The following PARD3B variants were observed in gnomAD, a reference collection of about 807,000 sequenced individuals.
The protein encoded by PARD3B is par-3 family cell polarity regulator beta.
In PARD3B, 103 loss-of-function variants were observed where a neutral mutation model predicts 130.2. That is an observed-to-expected ratio of 0.79 (90% CI 0.67 to 0.93). The LOEUF (loss-of-function observed/expected upper bound fraction) is 0.93, where lower values mean the gene tolerates loss of function less well. Among genes scored for constraint, PARD3B ranks in the 40% least tolerant of loss-of-function variants. The pLI is 0.00. For missense variants in PARD3B, 1,609 were observed against 1,499.2 expected, an observed-to-expected ratio of 1.07 and a Z score of -1.21; for synonymous variants, 583 against 553.2, an observed-to-expected ratio of 1.05 and a Z score of -0.76.
intron 10 of PARD3B, among the ~76,000 whole-genome samples, chr2:205,136,782 C>T (rs1038834897): frequency 6.6e-6 from 1 of 152,210 alleles, no homozygotes; most frequent in African/African-American, 2.4e-5. Context: ...GAAATGTTCT[C>T]TTCTATGATA....
intron 3 of PARD3B, among the ~76,000 whole-genome samples, chr2:204,983,893 G>A (rs186925853): frequency 5.9e-5 from 9 of 152,046 alleles, no homozygotes; most frequent in Admixed American, 2.0e-4. Flanking sequence ...TTGGGTCTTC[G>A]TTTCCTTATG....
intron 1 of PARD3B, among the ~76,000 whole-genome samples, chr2:204,655,868 T>G (rs1035650670): frequency 1.3e-5 from 2 of 152,138 alleles, no homozygotes; most frequent in Non-Finnish European, 2.9e-5. Context: ...TTGTCCACGG[T>G]TAGCCACAGG....
chr2:204,967,736 G>T lies in PARD3B; in HGVS notation c.394+2413G>T, dbSNP rs1207560020. ...GAAGGAAGCAACACAGCCAGCTTTG[G>T]TCTCCACCCATTCTGTTTTCCTGTT... is the stretch of plus-strand genomic sequence containing the variant. On this transcript the variant is annotated intron_variant, in intron 3 of 22. Transcript: ENST00000406610. The surrounding 1 kb of genome is among the most constrained non-coding windows in gnomAD (Gnocchi z 4.4). Among the ~76,000 whole-genome samples the T allele has an allele frequency of 1.3e-5, 2 of 152,196 alleles. No individual in the cohort carries two copies. Among genetic ancestry groups the T allele is most frequent in the South Asian group, 2.1e-4 (1 of 4,832 alleles).
chr2:205,201,748 A>T (rs2037002043), intron 15 of PARD3B, among the ~76,000 whole-genome samples: 1 of 152,200 alleles, frequency 6.6e-6, no homozygotes, highest in South Asian at 2.1e-4. Flanking sequence ...GAGGCAGGAG[A>T]ATCGCTTGAA....
intron 3 of PARD3B, among the ~76,000 whole-genome samples, chr2:205,008,733 T>C (rs1340845570): frequency 1.3e-5 from 2 of 152,200 alleles, no homozygotes; most frequent in African/African-American, 4.8e-5. Flanking sequence ...GGATAGATGT[T>C]AGGAGAAGTT....
intron 21 of PARD3B, among the ~76,000 whole-genome samples, chr2:205,535,245 T>G (rs1363623435): frequency 6.6e-6 from 1 of 152,152 alleles, no homozygotes; most frequent in Non-Finnish European, 1.5e-5. Flanking sequence ...GCCCGGTCTT[T>G]CCTTTAACAC....
chr2:204,922,708 A>G (rs565241943), intron 2 of PARD3B, among the ~76,000 whole-genome samples: 4 of 152,092 alleles, frequency 2.6e-5, no homozygotes, highest in African/African-American at 9.6e-5. Flanking sequence ...TTAAAATAGG[A>G]CATACCTTCT....
intron 3 of PARD3B, among the ~76,000 whole-genome samples, chr2:205,042,375 T>G (rs775186903): frequency 1.3e-5 from 2 of 152,148 alleles, no homozygotes; most frequent in Non-Finnish European, 2.9e-5. Flanking sequence ...ACCTGACAAA[T>G]CTTGCCATCT....
chr2:205,435,329 A>C (rs1283423439), intron 19 of PARD3B, among the ~76,000 whole-genome samples: 4 of 152,056 alleles, frequency 2.6e-5, no homozygotes, highest in African/African-American at 7.2e-5. Flanking sequence ...ATACTTTTCT[A>C]TATTCCCCTG....
Position 204,843,091 on chromosome 2 carries a change from A to G in PARD3B, c.223-122061A>G, listed in dbSNP as rs376214722. 2.6e-4 allele frequency among the ~76,000 whole-genome samples: 39 copies of G among 152,078 alleles called. 1 individual carries two copies. Among genetic ancestry groups the G allele is most frequent in the African/African-American group, 9.2e-4 (38 of 41,456 alleles). On this transcript the variant is annotated intron_variant, in intron 2 of 22. Coordinates refer to ENST00000406610, the MANE Select transcript of PARD3B (RefSeq NM_001302769.2). Reference sequence around the variant, plus strand: ...TCTGAGCTGAGCCCCGAGGATCTGTATTTCTGACAGGTTCCTAGGTGAAGG... The same window carrying G: ...TCTGAGCTGAGCCCCGAGGATCTGTGTTTCTGACAGGTTCCTAGGTGAAGG...
At position 205,288,592 on chromosome 2, in the gene PARD3B, A is replaced by G. The variant is rs2041483877; in HGVS notation, c.2186-11938A>G. ...GCCTTGCCTTCTTAGCCAGATTTCA[A>G]AGCCCTTCATGCCTTTACTTTATCC... On this transcript the variant is annotated intron_variant, in intron 16 of 22. Transcript: ENST00000406610. This position sits in a 1 kb window ranked among gnomAD's most constrained non-coding sequence, Gnocchi z 4.0. Among the ~76,000 whole-genome samples the G allele has an allele frequency of 6.6e-6, 1 of 152,140 alleles. No homozygotes were observed. Among genetic ancestry groups the G allele is most frequent in the African/African-American group, 2.4e-5 (1 of 41,428 alleles).
intron 4 of PARD3B, among the ~76,000 whole-genome samples, chr2:205,073,786 C>G (rs1700882076): frequency 6.6e-6 from 1 of 152,102 alleles, no homozygotes; most frequent in Admixed American, 6.6e-5. Context: ...ACATCTGTAG[C>G]TATTATTGGA....
rs940211428 is a variant in PARD3B at position 204,943,009 on chromosome 2, C to T, written c.223-22143C>T. 1.3e-5 allele frequency among the ~76,000 whole-genome samples: 2 copies of T among 151,402 alleles called. No individual in the cohort carries two copies. Among genetic ancestry groups the T allele is most frequent in the African/African-American group, 2.4e-5 (1 of 40,836 alleles). On this transcript the variant is annotated intron_variant, in intron 2 of 22. Coordinates refer to ENST00000406610, the MANE Select transcript of PARD3B (RefSeq NM_001302769.2). The surrounding 1 kb of genome is among the most constrained non-coding windows in gnomAD (Gnocchi z 4.2). ...AATTTACCTCCAGAACCAGGCTGCA[C>T]ATGTCCCCCTGAAAAATAAAAATTA...
chr2:205,070,027 C>T (rs902186066), intron 4 of PARD3B, among the ~76,000 whole-genome samples: 4 of 152,152 alleles, frequency 2.6e-5, no homozygotes, highest in Admixed American at 2.6e-4. Context: ...GGTCTCTGCT[C>T]AGCCTTCCTT....
rs76436930 is a variant in PARD3B, at chr2:205,555,181, G to T, written c.3260+1778G>T. ...AGTTTAAAATCTTCCTGACCAATCT[G>T]CACTCAGAGTGCAGAAATGGAGTGT... is the stretch of plus-strand genomic sequence containing the variant. On this transcript the variant is annotated intron_variant, in intron 22 of 22. Transcript: ENST00000406610. Among the ~76,000 whole-genome samples, 1,236 of 152,298 alleles carry T rather than the reference G, an allele frequency of 8.1e-3. 10 individuals carry two copies. Among genetic ancestry groups the T allele is most frequent in the African/African-American group, 0.028 (1,163 of 41,550 alleles).
At chr2:205,012,179 A>G (rs1695768799) in intron 3 of PARD3B, among the ~76,000 whole-genome samples, 1 of 151,976 alleles carries the variant, frequency 6.6e-6, no homozygotes, top group African/African-American at 2.4e-5. Flanking sequence ...TTCACTTCCC[A>G]TCTTCCAACA....
chr2:205,474,363 C>CGA (rs2048953411), intron 20 of PARD3B, among the ~76,000 whole-genome samples: 1 of 152,132 alleles, frequency 6.6e-6, no homozygotes, highest in African/African-American at 2.4e-5. Context: ...GTGTTTATCA[C>CGA]TGCATATAAA....
chr2:205,024,691 A>G (rs1198219413), intron 3 of PARD3B, among the ~76,000 whole-genome samples: 4 of 152,206 alleles, frequency 2.6e-5, no homozygotes, highest in Non-Finnish European at 5.9e-5. Flanking sequence ...ATAGATCTAT[A>G]ATACCTTCAT....
At chr2:204,869,002 A>G (rs2045530855) in intron 2 of PARD3B, among the ~76,000 whole-genome samples, 1 of 152,230 alleles carries the variant, frequency 6.6e-6, no homozygotes, top group Non-Finnish European at 1.5e-5. Context: ...TTTAAAAGGT[A>G]AAATGAGATA....
Sources: gnomAD v4.1 joint callset for allele counts (sites outside exome capture counted in the v4.1 genomes callset) on GRCh38, gnomAD v4.1.1 for gene constraint, Gnocchi (gnomAD v3.1) non-coding constraint, MANE v1.5 for transcripts, NCBI Gene and HGNC (gene_info 2026-07-23, HGNC 2026-07-21) for gene names.